Variants in CUL2 observed in about 807,000 individuals in gnomAD.
The protein encoded by CUL2 is cullin-2.
CUL2 carries 22 observed loss-of-function variants against 110.2 expected under a neutral mutation model. The observed-to-expected ratio is 0.20, with a 90% CI of 0.14 to 0.28. CUL2 has a LOEUF of 0.28. Among genes scored for constraint, CUL2 ranks in the 10% least tolerant of loss-of-function variants. CUL2 has a pLI of 1.00. For missense variants in CUL2, 631 were observed against 905.5 expected, an observed-to-expected ratio of 0.70 and a Z score of 3.89; for synonymous variants, 279 against 293.2, an observed-to-expected ratio of 0.95 and a Z score of 0.49.
At chr10:35,024,543 C>T (rs2085289761) in intron 17 of CUL2, among the ~76,000 whole-genome samples, 1 of 152,196 alleles carries the variant, frequency 6.6e-6, no homozygotes, top group South Asian at 2.1e-4. Flanking sequence ...TGGCTTACAT[C>T]TTCAGGCAAC....
In CUL2 at chr10:35,011,574, C is replaced by T. The variant is rs371834005; in HGVS notation, c.2106+274G>A. Among the ~76,000 whole-genome samples, 12 of 152,162 alleles carry T rather than the reference C, an allele frequency of 7.9e-5. 1 individual carries two copies. In the East Asian group the frequency reaches 2.3e-3, roughly 30 times the overall value. On this transcript the variant is annotated intron_variant, in intron 20 of 20. Transcript: ENST00000374749. Reference sequence around the variant, plus strand: ...CAGAGGTTGCAGTGAGCCAAGATCACGCCACTGTACTCCAGCCTGGGCGAC... The same window carrying T: ...CAGAGGTTGCAGTGAGCCAAGATCATGCCACTGTACTCCAGCCTGGGCGAC...
chr10:35,048,755 T>C (rs2134834787), intron 6 of CUL2, among the ~76,000 whole-genome samples: 1 of 152,328 alleles, frequency 6.6e-6, no homozygotes, highest in Middle Eastern at 3.4e-3. Flanking sequence ...AAAAATCAAG[T>C]TACTAGTTGT....
In CUL2 at chr10:35,089,224, A is replaced by G. The variant is rs987798007; in HGVS notation, c.-23+955T>C. ...TCTTATCTCACGCGACTCTTTTGGA[A>G]GGATCTTCCAGATACTGTATAAGGG... On this transcript the variant is annotated intron_variant, in intron 1 of 20. Transcript: ENST00000374749. Among the ~76,000 whole-genome samples the G allele has an allele frequency of 5.3e-5, 8 of 152,250 alleles. No individual in the cohort carries two copies. In the East Asian group the frequency reaches 1.5e-3, roughly 29 times the overall value.
intron 8 of CUL2, among the ~76,000 whole-genome samples, chr10:35,043,696 C>A (rs934326896): frequency 6.6e-6 from 1 of 152,138 alleles, no homozygotes; most frequent in Non-Finnish European, 1.5e-5. Context: ...TGTATGAACA[C>A]TTTTTTCTTC....
intron 1 of CUL2, among the ~76,000 whole-genome samples, chr10:35,107,199 C>T (rs2087470532): frequency 6.6e-6 from 1 of 151,996 alleles, no homozygotes; most frequent in Non-Finnish European, 1.5e-5. Flanking sequence ...TGGTCTTGAT[C>T]TCCTGACCTC....
intron 18 of CUL2, 44 bp from the exon 19 acceptor site, chr10:35,013,844 C>CTT: frequency 7.9e-7 from 1 of 1,268,346 alleles, no homozygotes; most frequent in Non-Finnish European, 1.0e-6. Context: ...AAACCAAAAT[C>CTT]TTTAAATAAG....
chr10:35,126,436 G>A (rs538196872), intron 1 of CUL2: 1 of 152,590 alleles, frequency 6.6e-6, no homozygotes. Context: ...GTCAGAAGAA[G>A]CACGCCTGCA....
chr10:35,030,810 T>C (rs1188487373), intron 14 of CUL2, among the ~76,000 whole-genome samples: 1 of 133,914 alleles, frequency 7.5e-6, no homozygotes, highest in Non-Finnish European at 1.7e-5. Context: ...GGAGGATCGC[T>C]TGAGCCCAGG....
chr10:35,025,043 C>G, intron 17 of CUL2, 89 bp downstream of exon 17: 2 of 1,365,162 alleles, frequency 1.5e-6, no homozygotes, highest in Non-Finnish European at 1.9e-6. Context: ...AGGTTAAAAA[C>G]TGTAATTGGG....
chr10:35,123,649 G>A (rs1346473727), intron 1 of CUL2, among the ~76,000 whole-genome samples: 1 of 152,152 alleles, frequency 6.6e-6, no homozygotes, highest in East Asian at 1.9e-4. Flanking sequence ...TGTAGAGGCA[G>A]GATGACAAGG....
At chr10:35,058,603 T>C (rs2086302943) in intron 4 of CUL2, among the ~76,000 whole-genome samples, 1 of 152,178 alleles carries the variant, frequency 6.6e-6, no homozygotes, top group Non-Finnish European at 1.5e-5. Flanking sequence ...ATGAGAGTAA[T>C]CATTCCTTCC....
intron 1 of CUL2, among the ~76,000 whole-genome samples, chr10:35,076,945 C>T (rs549876066): frequency 1.8e-4 from 27 of 151,776 alleles, no homozygotes; most frequent in African/African-American, 6.0e-4. Context: ...CCAGCTACTC[C>T]GGAGGCTGAG....
At chr10:35,014,363 T>C (rs528520572) in intron 18 of CUL2, among the ~76,000 whole-genome samples, 44 of 152,296 alleles carry the variant, frequency 2.9e-4, no homozygotes, top group African/African-American at 1.0e-3. Flanking sequence ...TGGCCTTTGC[T>C]CAGGGGAAAA....
chr10:35,088,612 C>T (rs966768681), intron 1 of CUL2, among the ~76,000 whole-genome samples: 2 of 151,034 alleles, frequency 1.3e-5, no homozygotes, highest in African/African-American at 4.9e-5. Context: ...TATCTGTCAA[C>T]TGCCAGACAA....
chr10:35,099,315 T>C (rs1249302541), intron 2 of CUL2, among the ~76,000 whole-genome samples: 1 of 149,196 alleles, frequency 6.7e-6, no homozygotes, highest in African/African-American at 2.5e-5. Context: ...CACTTGAACC[T>C]GGGAGGCGGA....
At chr10:35,088,950 C>T (rs1372811023) in intron 1 of CUL2, among the ~76,000 whole-genome samples, 1 of 152,130 alleles carries the variant, frequency 6.6e-6, no homozygotes, top group African/African-American at 2.4e-5. Flanking sequence ...CCTAAGCAGG[C>T]GAATCACCTG....
intron 4 of CUL2, among the ~76,000 whole-genome samples, chr10:35,055,319 C>A (rs1313813288): frequency 6.6e-6 from 1 of 152,224 alleles, no homozygotes; most frequent in Non-Finnish European, 1.5e-5. Flanking sequence ...GAAATCTATA[C>A]ATGAATATAT....
Position 35,032,431 on chromosome 10 carries a change from T to G in CUL2, c.1170+4A>C, listed in dbSNP as rs554356889. The stretch of plus-strand genomic sequence containing the variant: ...GATTACTTTTCAGCAACCACCAAAC[T>G]TACCAGTTCAGGTGCTTTGCAAACA... On this transcript the variant is annotated splice_donor_region_variant and intron_variant, in intron 12 of 20. Transcript: ENST00000374749. 19 of 1,591,528 alleles carry G rather than the reference T, an allele frequency of 1.2e-5. No individual in the cohort carries two copies. In the East Asian group the frequency reaches 4.4e-4, roughly 37 times the overall value.
At chr10:35,058,183 A>G (rs572760991) in intron 4 of CUL2, among the ~76,000 whole-genome samples, 44 of 152,288 alleles carry the variant, frequency 2.9e-4, no homozygotes, top group African/African-American at 1.1e-3. Flanking sequence ...TGATTAGAAG[A>G]TGCTGATTCT....
Sources: gnomAD v4.1 joint callset for allele counts (sites outside exome capture counted in the v4.1 genomes callset) on GRCh38, gnomAD v4.1.1 for gene constraint, MANE v1.5 for transcripts, NCBI Gene and HGNC (gene_info 2026-07-23, HGNC 2026-07-21) for gene names.